Variants in RORB observed in about 807,000 individuals in gnomAD.
The protein encoded by RORB is RAR related orphan receptor B.
A neutral mutation model predicts 59.1 loss-of-function variants in RORB; 6 were observed. That is an observed-to-expected ratio of 0.10 (90% CI 0.06 to 0.20). The LOEUF is 0.20. Among genes scored for constraint, RORB ranks in the 10% least tolerant of loss-of-function variants. RORB has a pLI of 1.00. For synonymous variants in RORB, 215 were observed against 204.5 expected, an observed-to-expected ratio of 1.05 and a Z score of -0.44; for missense variants, 320 against 560.5, an observed-to-expected ratio of 0.57 and a Z score of 4.33.
At chr9:74,562,229 A>G (rs965502169) in intron 1 of RORB, among the ~76,000 whole-genome samples, 3 of 152,172 alleles carry the variant, frequency 2.0e-5, no homozygotes, top group Non-Finnish European at 4.4e-5. Flanking sequence ...ACACTCAGTT[A>G]TATGTCAGAT....
At chr9:74,524,380 C>T (rs531950033) in intron 1 of RORB, among the ~76,000 whole-genome samples, 2 of 151,978 alleles carry the variant, frequency 1.3e-5, no homozygotes, top group African/African-American at 4.8e-5. Context: ...GTGATTGATA[C>T]TACAGCAGAG....
intron 1 of RORB, among the ~76,000 whole-genome samples, chr9:74,624,541 C>G (rs896821421): frequency 2.0e-5 from 3 of 152,192 alleles, no homozygotes; most frequent in Non-Finnish European, 4.4e-5. Context: ...CTATCCCATC[C>G]CAACCTTGGG....
At chr9:74,503,425 T>C (rs1825828178) in intron 1 of RORB, among the ~76,000 whole-genome samples, 2 of 151,916 alleles carry the variant, frequency 1.3e-5, no homozygotes, top group Admixed American at 1.3e-4. Flanking sequence ...AGAGAGAAAA[T>C]CATTCTTATC....
At chr9:74,510,176 T>C (rs1825917379) in intron 1 of RORB, among the ~76,000 whole-genome samples, 1 of 152,124 alleles carries the variant, frequency 6.6e-6, no homozygotes, top group Admixed American at 6.6e-5. Context: ...TATAGAATGG[T>C]CCTGACACCC....
At chr9:74,508,615 G>A (rs1402933781) in intron 1 of RORB, among the ~76,000 whole-genome samples, 2 of 151,944 alleles carry the variant, frequency 1.3e-5, no homozygotes, top group South Asian at 2.1e-4. Context: ...GTAACTCAGC[G>A]AATCTTAAAT....
intron 1 of RORB, among the ~76,000 whole-genome samples, chr9:74,520,545 T>C (rs1826071303): frequency 6.6e-6 from 1 of 151,922 alleles, no homozygotes; most frequent in Non-Finnish European, 1.5e-5. Context: ...GCAATAAATA[T>C]CAAATCTACT....
At chr9:74,591,238 T>C (rs953493955) in intron 1 of RORB, among the ~76,000 whole-genome samples, 1 of 152,218 alleles carries the variant, frequency 6.6e-6, no homozygotes, top group East Asian at 1.9e-4. Flanking sequence ...TAGACTGAAC[T>C]TCTAAAATTC....
intron 1 of RORB, among the ~76,000 whole-genome samples, chr9:74,530,121 AT>A (rs1826214239): frequency 6.6e-6 from 1 of 152,024 alleles, no homozygotes. Flanking sequence ...ATAAATCTAA[AT>A]TCCACTCCAA....
chr9:74,553,383 T>C (rs956673623), intron 1 of RORB, among the ~76,000 whole-genome samples: 5 of 152,174 alleles, frequency 3.3e-5, no homozygotes, highest in African/African-American at 1.2e-4. Context: ...AAGAATGCTC[T>C]TTTTACCAAT....
intron 1 of RORB, among the ~76,000 whole-genome samples, chr9:74,595,786 A>G (rs1290666421): frequency 6.6e-6 from 1 of 152,216 alleles, no homozygotes; most frequent in Non-Finnish European, 1.5e-5. Flanking sequence ...TGGGAAGAGT[A>G]GGTGGGTGAG....
At chr9:74,516,368 A>G (rs986938803) in intron 1 of RORB, among the ~76,000 whole-genome samples, 14 of 152,034 alleles carry the variant, frequency 9.2e-5, no homozygotes, top group Admixed American at 9.2e-4. Context: ...ACAGTCTTAG[A>G]CTAACATCTA....
intron 1 of RORB, among the ~76,000 whole-genome samples, chr9:74,622,346 G>A (rs1043393295): frequency 2.8e-4 from 43 of 152,196 alleles, no homozygotes; most frequent in Non-Finnish European, 8.8e-5. Context: ...ATCAAGTAGA[G>A]TACATGTCTT....
Position 74,691,841 on chromosome 9 carries a change from T to G in RORB, c.*6223T>G, listed in dbSNP as rs1486832646. 1 of 152,176 alleles carries G rather than the reference T, an allele frequency of 6.6e-6. No individual in the cohort carries two copies. 9.4% of individuals were successfully genotyped at this position (152,176 alleles called of 1,614,324 possible). On this transcript the variant is annotated 3_prime_UTR_variant, in exon 10 of 10. Coordinates refer to ENST00000376896, the MANE Select transcript of RORB (RefSeq NM_006914.4). ...TAAGTGTATGCTTCTTTTTGTAATA[T>G]GACTGAGAAAGGGACAGGGCTGTCA...
At chr9:74,619,380 A>C (rs953106561) in intron 1 of RORB, among the ~76,000 whole-genome samples, 1 of 152,208 alleles carries the variant, frequency 6.6e-6, no homozygotes, top group Admixed American at 6.5e-5. Context: ...GTAGAATTAT[A>C]GTATTCATTG....
intron 3 of RORB, among the ~76,000 whole-genome samples, chr9:74,641,863 T>C (rs1039789021): frequency 7.9e-5 from 12 of 152,044 alleles, no homozygotes; most frequent in Non-Finnish European, 1.8e-4. Context: ...GCTATGATCA[T>C]GCCACTGCAC....
chr9:74,615,701 G>A, intron 1 of RORB: 1 of 396,498 alleles, frequency 2.5e-6, no homozygotes, highest in South Asian at 1.8e-5. Flanking sequence ...CTCCAGGCAA[G>A]GAAGTAAGCA....
Position 74,549,460 on chromosome 9 carries a change from A to AAG in RORB, c.7+51492_7+51493dup, listed in dbSNP as rs1240900740. On this transcript the variant is annotated intron_variant, in intron 1 of 9. Coordinates refer to ENST00000376896, the MANE Select transcript of RORB (RefSeq NM_006914.4). ...TTCCGTCAAAAAAAAAAAAAGAAGA[A>AAG]AGAGAGAGAGAGAGAGGTAGGGAGG... Among the ~76,000 whole-genome samples the AAG allele has an allele frequency of 2.2e-4, 30 of 134,306 alleles. 5 individuals are homozygous for AAG. Among genetic ancestry groups the AAG allele is most frequent in the African/African-American group, 5.1e-4 (18 of 35,382 alleles). The allele number at this position is 134,306 out of a possible 152,430, so 88.1% of individuals were successfully genotyped here.
chr9:74,660,535 C>T, intron 4 of RORB, 82 bp from the exon 5 acceptor site: 1 of 1,293,122 alleles, frequency 7.7e-7, no homozygotes, highest in Non-Finnish European at 1.1e-6. Context: ...CTCCAAAAGG[C>T]ATTCTTATAG....
intron 1 of RORB, among the ~76,000 whole-genome samples, chr9:74,612,215 C>T (rs566277335): frequency 8.1e-4 from 123 of 152,000 alleles, no homozygotes; most frequent in African/African-American, 2.8e-3. Flanking sequence ...GTAATTGGAG[C>T]AGAGTGGAGA....
Sources: allele counts gnomAD v4.1 joint callset (sites outside exome capture counted in the v4.1 genomes callset), GRCh38; gene constraint gnomAD v4.1.1; transcripts MANE v1.5; gene names NCBI Gene and HGNC (gene_info 2026-07-23, HGNC 2026-07-21).